Variants in FIP1L1 observed in about 807,000 individuals in gnomAD.
The protein encoded by FIP1L1 is factor interacting with PAPOLA and CPSF1.
A neutral mutation model predicts 84.6 loss-of-function variants in FIP1L1; 21 were observed. The observed-to-expected ratio is 0.25, with a 90% CI of 0.18 to 0.36. The LOEUF (loss-of-function observed/expected upper bound fraction) is 0.36. Among genes scored for constraint, FIP1L1 ranks in the 10% least tolerant of loss-of-function variants. The pLI, the probability that FIP1L1 is intolerant of heterozygous loss-of-function variation, is 1.00. For synonymous variants in FIP1L1, 263 were observed against 242.3 expected (o/e 1.09, Z -0.80); for missense variants, 526 against 751.1 (o/e 0.70, Z 3.50).
chr4:53,429,417 T>C (rs552927006), intron 13 of FIP1L1, among the ~76,000 whole-genome samples: 2 of 152,328 alleles, frequency 1.3e-5, no homozygotes, highest in African/African-American at 4.8e-5. Context: ...TTTAATATGC[T>C]GAGTATTAAC....
At chr4:53,388,909 C>G (rs1161588390) in intron 5 of FIP1L1, among the ~76,000 whole-genome samples, 1 of 152,158 alleles carries the variant, frequency 6.6e-6, no homozygotes, top group Non-Finnish European at 1.5e-5. Context: ...GATTACACAA[C>G]TAGCAATTGA....
intron 13 of FIP1L1, among the ~76,000 whole-genome samples, chr4:53,430,341 CTTTTTTTTTTTTTT>C (rs376793476): frequency 2.6e-4 from 20 of 75,812 alleles, no homozygotes; most frequent in Non-Finnish European, 4.0e-4. Context: ...GATAAAATTA[CTTTTTTTTTTTTTT>C]TTTTTTTTTT....
intron 13 of FIP1L1, among the ~76,000 whole-genome samples, chr4:53,431,822 T>A (rs553304046): frequency 1.1e-4 from 16 of 152,200 alleles, no homozygotes; most frequent in Non-Finnish European, 1.5e-4. Flanking sequence ...TTAACAATTA[T>A]AAGGTGTTAG....
chr4:53,409,566 C>CT (rs1438693121), intron 10 of FIP1L1, among the ~76,000 whole-genome samples: 1 of 152,216 alleles, frequency 6.6e-6, no homozygotes, highest in Non-Finnish European at 1.5e-5. Flanking sequence ...TTACTTCTGT[C>CT]TTTTTGTCTG....
At chr4:53,442,529 A>T (rs1772397028) in intron 13 of FIP1L1, 124 bp from the exon 14 acceptor site, 4 of 650,328 alleles carry the variant, frequency 6.2e-6, no homozygotes, top group South Asian at 5.9e-5. Context: ...TCTGTCCATT[A>T]TTACAACATA....
rs561332152 is a variant in FIP1L1 at position 53,392,824 on chromosome 4, T to C, written c.705+1326T>C. On this transcript the variant is annotated intron_variant, in intron 9 of 17. Transcript: ENST00000337488. ...GAAAAATTTATTTTGAAGTTTCTTTTGGCTATGTGAGAGGAGGTCATAGAG... is the reference window on the plus strand; with the variant it reads ...GAAAAATTTATTTTGAAGTTTCTTTCGGCTATGTGAGAGGAGGTCATAGAG... 1.9e-3 allele frequency among the ~76,000 whole-genome samples: 284 copies of C among 152,320 alleles called. 2 individuals are homozygous for C. The highest frequency in any genetic ancestry group is 1.9e-3 in the Non-Finnish European group (128 of 68,024).
At chr4:53,398,874 G>C (rs1748790741) in intron 9 of FIP1L1, among the ~76,000 whole-genome samples, 1 of 152,166 alleles carries the variant, frequency 6.6e-6, no homozygotes, top group Admixed American at 6.5e-5. Flanking sequence ...GGAGAAGGCT[G>C]GGCCTGGTGG....
intron 10 of FIP1L1, among the ~76,000 whole-genome samples, chr4:53,408,069 G>T (rs184574345): frequency 6.6e-6 from 1 of 152,296 alleles, no homozygotes; most frequent in Admixed American, 6.5e-5. Context: ...CTCGTTAGTT[G>T]ATGCAGTTTC....
At chr4:53,443,528 C>A (rs1330820055) in intron 14 of FIP1L1, among the ~76,000 whole-genome samples, 1 of 152,060 alleles carries the variant, frequency 6.6e-6, no homozygotes, top group East Asian at 1.9e-4. Flanking sequence ...AACTTTACAT[C>A]AGTAGCATCA....
At chr4:53,452,404 C>T (rs1278185164) in intron 15 of FIP1L1, among the ~76,000 whole-genome samples, 7 of 151,976 alleles carry the variant, frequency 4.6e-5, no homozygotes, top group South Asian at 2.1e-4. Context: ...CTGTAACCTC[C>T]GCCTCCCGGG....
intron 11 of FIP1L1, among the ~76,000 whole-genome samples, chr4:53,422,880 G>A (rs11946199): frequency 0.81 from 123,465 of 151,956 alleles, 50,290 homozygotes; most frequent in Non-Finnish European, 0.85. Context: ...ATGCCTAGCT[G>A]ATATTTTAAA....
chr4:53,390,414 T>A (rs1263934227), intron 6 of FIP1L1, 107 bp from the exon 7 acceptor site: 1 of 665,472 alleles, frequency 1.5e-6, no homozygotes, highest in Non-Finnish European at 2.6e-6. Context: ...TTTGTGTGTG[T>A]ATATGTGCCA....
In FIP1L1 at chr4:53,403,998, G is replaced by A. The variant is rs542090480; in HGVS notation, c.815+4159G>A. Among the ~76,000 whole-genome samples, 8 of 120,556 alleles carry A rather than the reference G, an allele frequency of 6.6e-5. No individual in the cohort carries two copies. The East Asian group carries it at 9.6e-4, about 14-fold the overall frequency. The allele number at this position is 120,556 out of a possible 152,430, so 79.1% of individuals were successfully genotyped here. A position where few individuals can be genotyped will look rare whatever the true frequency, so the allele number is the denominator to read the frequency against. On this transcript the variant is annotated intron_variant, in intron 10 of 17. Transcript: ENST00000337488. Reference sequence around the variant, plus strand: ...ACTGAGCTGGTCATCTCCAGTCATCGTATAAAATGCACTTTTTTTTTTTTA... The same window carrying A: ...ACTGAGCTGGTCATCTCCAGTCATCATATAAAATGCACTTTTTTTTTTTTA...
intron 13 of FIP1L1, among the ~76,000 whole-genome samples, chr4:53,432,449 T>G (rs1165696891): frequency 6.6e-6 from 1 of 151,530 alleles, no homozygotes; most frequent in Non-Finnish European, 1.5e-5. Context: ...ACTGGCTAAT[T>G]TAGTTCTTCT....
rs928417103 is a variant in FIP1L1 at position 53,437,305 on chromosome 4, A to G, written c.1175-5348A>G. ...GGTCATGCCACTCACCCTACACAAC[A>G]GTGTGAGACCCTGTCTCAACCAAAA... On this transcript the variant is annotated intron_variant, in intron 13 of 17. Coordinates refer to ENST00000337488, the MANE Select transcript of FIP1L1 (RefSeq NM_030917.4). Among the ~76,000 whole-genome samples, 4 of 137,710 alleles carry G rather than the reference A, an allele frequency of 2.9e-5. No individual in the cohort carries two copies. In the Admixed American group the frequency reaches 3.1e-4, roughly 11 times the overall value. The allele number at this position is 137,710 out of a possible 152,430, so 90.3% of individuals were successfully genotyped here.
chr4:53,378,977 C>A, intron 1 of FIP1L1, 96 bp from the exon 2 acceptor site: 1 of 1,220,740 alleles, frequency 8.2e-7, no homozygotes, highest in Non-Finnish European at 1.2e-6. Context: ...TAAATTTAAG[C>A]TTATTTTTAT....
intron 10 of FIP1L1, among the ~76,000 whole-genome samples, chr4:53,410,974 G>A (rs1756941973): frequency 6.6e-6 from 1 of 152,136 alleles, no homozygotes; most frequent in Admixed American, 6.5e-5. Context: ...AATAAGGTGG[G>A]GGGGGCTGCT....
intron 15 of FIP1L1, among the ~76,000 whole-genome samples, chr4:53,447,089 C>A (rs1197313584): frequency 2.0e-5 from 3 of 151,924 alleles, no homozygotes; most frequent in African/African-American, 7.3e-5. Flanking sequence ...AATACAGCTT[C>A]TTTGTTGGTG....
chr4:53,460,831 T>G lies in FIP1L1; in HGVS notation c.*1382T>G, dbSNP rs1721898226. 1 of 1,325,912 alleles carries G rather than the reference T, an allele frequency of 7.5e-7. No individual in the cohort carries two copies. The highest frequency in any genetic ancestry group is 1.0e-6 in the Non-Finnish European group (1 of 961,980). 82.1% of individuals were successfully genotyped at this position (1,325,912 alleles called of 1,614,324 possible). A position where few individuals can be genotyped will look rare whatever the true frequency, so the allele number is the denominator to read the frequency against. On this transcript the variant is annotated 3_prime_UTR_variant, in exon 18 of 18. Transcript: ENST00000337488. ...GTATTCTTTCTTTAAATATAAAAACTGACAAGATAAATATAGTGTTTCAAC... is the reference window on the plus strand; with the variant it reads ...GTATTCTTTCTTTAAATATAAAAACGGACAAGATAAATATAGTGTTTCAAC...
Sources: gnomAD v4.1 joint callset for allele counts (sites outside exome capture counted in the v4.1 genomes callset) on GRCh38, gnomAD v4.1.1 for gene constraint, MANE v1.5 for transcripts, NCBI Gene and HGNC (gene_info 2026-07-23, HGNC 2026-07-21) for gene names.